ZNF281: variants seen among roughly 807,000 people sequenced by gnomAD.
The protein encoded by ZNF281 is GC-box-binding zinc finger protein 1.
In ZNF281, 2 loss-of-function variants were observed where a neutral mutation model predicts 58.8. That is an observed-to-expected ratio of 0.03 (90% CI 0.01 to 0.11). The LOEUF (loss-of-function observed/expected upper bound fraction) is 0.11, where lower values mean the gene tolerates loss of function less well. Among genes scored for constraint, ZNF281 ranks in the 10% least tolerant of loss-of-function variants. The pLI is 1.00. For missense variants in ZNF281, 975 were observed against 1,090.7 expected, an observed-to-expected ratio of 0.89 and a Z score of 1.49; for synonymous variants, 465 against 407.7, an observed-to-expected ratio of 1.14 and a Z score of -1.69.
At position 200,408,035 on chromosome 1, in the gene ZNF281, T is replaced by G; in HGVS notation, c.1671A>C (p.Val557=). ...CAGACTGTTGGGAGACCATGTGTCCTACGTTTATAGAAAAGGCACTGTTGC... is the reference window on the plus strand; with the variant it reads ...CAGACTGTTGGGAGACCATGTGTCCGACGTTTATAGAAAAGGCACTGTTGC... ...ASSNSAFSIN[V]GHMVSQQSVI... is the part of the protein sequence containing the mutation. Residue 557 remains valine (V), a synonymous_variant, in exon 2 of 2, where the codon GTA becomes GTC. Coordinates refer to ENST00000367353, the MANE Select transcript of ZNF281 (RefSeq NM_001281293.2). The G allele has an allele frequency of 6.2e-7, 1 of 1,614,242 alleles. No individual in the cohort carries two copies.
Position 200,409,388 on chromosome 1 carries a change from C to T in ZNF281, c.318G>A (p.Ala106=), listed in dbSNP as rs1484458964. Residue 106 remains alanine (A), a synonymous_variant, in exon 2 of 2, where the codon GCG becomes GCA. Coordinates refer to ENST00000367353, the MANE Select transcript of ZNF281 (RefSeq NM_001281293.2). ...TCTGCGAGGGGAAGGCCGCGGCTGA[C>T]GCCGCCGGCTCCTTCTTGAAAGTCA... is the stretch of plus-strand genomic sequence containing the variant. ...PDMTFKKEPA[A]SAAAFPSQRT... 3 of 1,521,180 alleles carry T rather than the reference C, an allele frequency of 2.0e-6. No individual in the cohort carries two copies. Among genetic ancestry groups the T allele is most frequent in the Non-Finnish European group, 2.6e-6 (3 of 1,133,754 alleles). The allele number at this position is 1,521,180 out of a possible 1,614,324, so 94.2% of individuals were successfully genotyped here.
In ZNF281 at chr1:200,409,418, C is replaced by A; in HGVS notation, c.288G>T (p.Pro96=). The A allele has an allele frequency of 6.6e-7, 1 of 1,507,768 alleles. No homozygotes were observed. Among genetic ancestry groups the A allele is most frequent in the Non-Finnish European group, 8.9e-7 (1 of 1,125,064 alleles). The allele number at this position is 1,507,768 out of a possible 1,614,324, so 93.4% of individuals were successfully genotyped here. A position where few individuals can be genotyped will look rare whatever the true frequency, so the allele number is the denominator to read the frequency against. ...PAAEPPPPPA[P]DMTFKKEPAA... ...CCGGCTCCTTCTTGAAAGTCATGTC[C>A]GGGGCTGGCGGAGGGGGGGGCTCAG... Residue 96 remains proline, a synonymous_variant, in exon 2 of 2, where the codon CCG becomes CCT. Transcript: ENST00000367353.
Position 200,407,158 on chromosome 1 carries a change from T to C in ZNF281, c.2548A>G (p.Ile850Val), listed in dbSNP as rs1654473579. Reference protein sequence around the residue: ...KSGSRVPMTFITNSNGEVDHR... With the variant: ...KSGSRVPMTFVTNSNGEVDHR... ...TCCACTTCTCCATTAGAGTTAGTGA[T>C]AAAGGTCATTGGCACCCTGCTGCCC... Residue 850 changes from isoleucine (I) to valine (V), a missense_variant, in exon 2 of 2, where the codon ATC (isoleucine) becomes GTC (valine). Ile to Val is a conservative substitution (Grantham distance 29). This residue lies in a region of ZNF281 where 579 missense variants were observed against 608.9 expected (regional missense o/e 0.95). Transcript: ENST00000367353. The C allele has an allele frequency of 1.2e-6, 2 of 1,614,078 alleles. No homozygotes were observed. Among genetic ancestry groups the C allele is most frequent in the South Asian group, 2.2e-5 (2 of 91,082 alleles).
rs1341099492 is a variant in ZNF281, at chr1:200,406,668, T to A, written c.*350A>T. ...AGTAAAGCAATTAGAATAACCTTAA[T>A]CCTAGCAACAAAGTTTTTTTTGTAG... On this transcript the variant is annotated 3_prime_UTR_variant, in exon 2 of 2. Coordinates refer to ENST00000367353, the MANE Select transcript of ZNF281 (RefSeq NM_001281293.2). 9 of 185,302 alleles carry A rather than the reference T, an allele frequency of 4.9e-5. No individual in the cohort carries two copies. The highest frequency in any genetic ancestry group is 1.0e-4 in the Non-Finnish European group (9 of 90,156). The allele number at this position is 185,302 out of a possible 1,614,324, so 11.5% of individuals were successfully genotyped here. A position where few individuals can be genotyped will look rare whatever the true frequency, so the allele number is the denominator to read the frequency against.
In ZNF281 at chr1:200,407,318, G is replaced by A; in HGVS notation, c.2388C>T (p.Asn796=). The A allele has an allele frequency of 6.2e-7, 1 of 1,614,150 alleles. No individual in the cohort carries two copies. The highest frequency in any genetic ancestry group is 8.5e-7 in the Non-Finnish European group (1 of 1,180,038). The change falls in exon 2 of 2, where the codon AAC becomes AAT. Residue 796 remains asparagine, a synonymous_variant. Transcript: ENST00000367353. ...QKLTSQKEQK[N]LESSTGFQIP... is the part of the protein sequence containing the mutation. ...TCTGAAAGCCTGTTGAAGACTCTAA[G>A]TTTTTCTGTTCCTTCTGGCTAGTCA...
chr1:200,409,445 G>T lies in ZNF281; in HGVS notation c.261C>A (p.Ala87=). ...VLSSSTSAAP[A]AEPPPPPAPD... ...GGGCTGGCGGAGGGGGGGGCTCAGCGGCCGGGGCTGCGGAGGTAGAGGAGG... is the reference window on the plus strand; with the variant it reads ...GGGCTGGCGGAGGGGGGGGCTCAGCTGCCGGGGCTGCGGAGGTAGAGGAGG... Residue 87 remains alanine, a synonymous_variant, in exon 2 of 2, where the codon GCC becomes GCA. Transcript: ENST00000367353. The T allele has an allele frequency of 6.5e-7, 1 of 1,527,684 alleles. No individual in the cohort carries two copies. Among genetic ancestry groups the T allele is most frequent in the Non-Finnish European group, 8.8e-7 (1 of 1,133,796 alleles). The allele number at this position is 1,527,684 out of a possible 1,614,324, so 94.6% of individuals were successfully genotyped here.
In ZNF281 at chr1:200,405,483, A is replaced by C. The variant is rs143393661; in HGVS notation, c.*1535T>G. 1.2e-3 allele frequency: 179 copies of C among 152,330 alleles called. No homozygotes were observed. The highest frequency in any genetic ancestry group is 4.1e-3 in the African/African-American group (170 of 41,580). The allele number at this position is 152,330 out of a possible 1,614,324, so 9.4% of individuals were successfully genotyped here. A position where few individuals can be genotyped will look rare whatever the true frequency, so the allele number is the denominator to read the frequency against. On this transcript the variant is annotated 3_prime_UTR_variant, in exon 2 of 2. Coordinates refer to ENST00000367353, the MANE Select transcript of ZNF281 (RefSeq NM_001281293.2). ...TACTTTTCTGACGTCAGAAGAGTAC[A>C]TAAGACTGAAACATCACCAAAAGTA...
rs771332819 is a variant in ZNF281, at chr1:200,409,164, T to C, written c.542A>G (p.His181Arg). 7 of 1,614,148 alleles carry C rather than the reference T, an allele frequency of 4.3e-6. No individual in the cohort carries two copies. Among genetic ancestry groups the C allele is most frequent in the Non-Finnish European group, 5.1e-6 (6 of 1,180,022 alleles). Reference sequence around the variant, plus strand: ...GGCTGGTTGCTGCTGGACATGCTGGTGGAGAATACTGAGGTCCTGGATGAC... The same window carrying C: ...GGCTGGTTGCTGCTGGACATGCTGGCGGAGAATACTGAGGTCCTGGATGAC... ...HGVIQDLSIL[H>R]QHVQQQPAQH... Residue 181 changes from histidine to arginine, a missense_variant, in exon 2 of 2, where the codon CAC (histidine) becomes CGC (arginine). His to Arg is a conservative substitution (Grantham distance 29). Around this residue, in one of 3 missense-constraint regions of ZNF281, gnomAD observed 370 missense variants for 360.9 expected, o/e 1.03. Transcript: ENST00000367353.
Position 200,408,868 on chromosome 1 carries a change from C to T in ZNF281, c.838G>A (p.Val280Ile), listed in dbSNP as rs1221731863. 1 of 1,614,224 alleles carries T rather than the reference C, an allele frequency of 6.2e-7. No individual in the cohort carries two copies. The highest frequency in any genetic ancestry group is 8.5e-7 in the Non-Finnish European group (1 of 1,180,034). The change falls in exon 2 of 2, where the codon GTC (valine) becomes ATC (isoleucine). Residue 280 changes from valine (V) to isoleucine (I), a missense_variant. Val to Ile is a conservative substitution (Grantham distance 29). Coordinates refer to ENST00000367353, the MANE Select transcript of ZNF281 (RefSeq NM_001281293.2). ...GGTCTTTCTCCTGTATGAATGAGGA[C>T]ATGTCTCCGCAGGTGATAGGAGCTT... The part of the protein sequence containing the change: ...FRSSYHLRRH[V>I]LIHTGERPFQ...
Position 200,409,673 on chromosome 1 carries a change from G to T in ZNF281, c.33C>A (p.Gly11=). ...TACCACCGCTACTGCCGGTACCTCC[G>T]CCGCCACTCAGGAACCCACTGCCGA... MKIGSGFLSG[G]GGTGSSGGSG... Residue 11 remains glycine (G), a synonymous_variant, in exon 2 of 2, where the codon GGC becomes GGA. Transcript: ENST00000367353. 2 of 1,568,148 alleles carry T rather than the reference G, an allele frequency of 1.3e-6. No individual in the cohort carries two copies. Among genetic ancestry groups the T allele is most frequent in the East Asian group, 2.4e-5 (1 of 41,600 alleles).
rs1361408198 is a variant in ZNF281, at chr1:200,406,938, T to C, written c.*80A>G. The C allele has an allele frequency of 2.9e-6, 4 of 1,397,172 alleles. No individual in the cohort carries two copies. Among genetic ancestry groups the C allele is most frequent in the Non-Finnish European group, 2.9e-6 (3 of 1,037,014 alleles). The allele number at this position is 1,397,172 out of a possible 1,614,324, so 86.5% of individuals were successfully genotyped here. On this transcript the variant is annotated 3_prime_UTR_variant, in exon 2 of 2. Transcript: ENST00000367353. ...TCACATTATTCTTAATAGGATCGTG[T>C]AGAAACATTCCAATGGCAGTGTTCT... is the stretch of plus-strand genomic sequence containing the variant.
rs1451028047 is a variant in ZNF281 at position 200,408,683 on chromosome 1, T to C, written c.1023A>G (p.Gly341=). The change falls in exon 2 of 2, where the codon GGA becomes GGG. Residue 341 remains glycine, a synonymous_variant. Transcript: ENST00000367353. ...HMERHKRTHS[G]EKPYKCDTCQ... is the part of the protein sequence containing the mutation. ...AAGTGTCACACTTATATGGCTTTTC[T>C]CCACTATGTGTCCTCTTGTGTCTCT... is the stretch of plus-strand genomic sequence containing the variant. 6.2e-7 allele frequency: 1 copy of C among 1,614,100 alleles called. No homozygotes were observed. Among genetic ancestry groups the C allele is most frequent in the Non-Finnish European group, 8.5e-7 (1 of 1,180,058 alleles).
Position 200,407,837 on chromosome 1 carries a change from C to T in ZNF281, c.1869G>A (p.Glu623=). Residue 623 remains glutamate (E), a synonymous_variant, in exon 2 of 2, where the codon GAG becomes GAA. Coordinates refer to ENST00000367353, the MANE Select transcript of ZNF281 (RefSeq NM_001281293.2). ...GTGGTTCTGCAATATTGAAAGGATCCTCTTTCTGGCTTTCTGATTTGTTGG... is the reference window on the plus strand; with the variant it reads ...GTGGTTCTGCAATATTGAAAGGATCTTCTTTCTGGCTTTCTGATTTGTTGG... The part of the protein sequence containing the change: ...QYSNKSESQK[E]DPFNIAEPRV... The T allele has an allele frequency of 6.2e-7, 1 of 1,614,118 alleles. No homozygotes were observed. Among genetic ancestry groups the T allele is most frequent in the Non-Finnish European group, 8.5e-7 (1 of 1,180,036 alleles).
At chr1:200,409,747 G>C in intron 1 of ZNF281, 24 bp from the exon 2 acceptor site, 2 of 1,580,194 alleles carry the variant, frequency 1.3e-6, no homozygotes, top group Non-Finnish European at 1.7e-6. Flanking sequence ...GAGGAAGAGG[G>C]AAGAGGGAGG....
Position 200,406,771 on chromosome 1 carries a change from G to T in ZNF281, c.*247C>A. On this transcript the variant is annotated 3_prime_UTR_variant, in exon 2 of 2. Coordinates refer to ENST00000367353, the MANE Select transcript of ZNF281 (RefSeq NM_001281293.2). Reference sequence around the variant, plus strand: ...GGCTATTCCCTGACGATCTATACATGTAAATTTGATTGCTAAACATTGTCA... The same window carrying T: ...GGCTATTCCCTGACGATCTATACATTTAAATTTGATTGCTAAACATTGTCA... 1.5e-5 allele frequency: 5 copies of T among 322,952 alleles called. No homozygotes were observed. Among genetic ancestry groups the T allele is most frequent in the African/African-American group, 2.3e-5 (1 of 44,372 alleles). The allele number at this position is 322,952 out of a possible 1,614,324, so 20.0% of individuals were successfully genotyped here. A position where few individuals can be genotyped will look rare whatever the true frequency, so the allele number is the denominator to read the frequency against.
At position 200,408,491 on chromosome 1, in the gene ZNF281, T is replaced by C. The variant is rs1314531061; in HGVS notation, c.1215A>G (p.Lys405=). 12 of 1,614,212 alleles carry C rather than the reference T, an allele frequency of 7.4e-6. No individual in the cohort carries two copies. Among genetic ancestry groups the C allele is most frequent in the South Asian group, 4.4e-5 (4 of 91,084 alleles). Residue 405 remains lysine, a synonymous_variant, in exon 2 of 2, where the codon AAA becomes AAG. Transcript: ENST00000367353. ...CAATAGCTATGCTTTTTGACTTTGT[T>C]TTTCTCCTTGAAGAACTTGTATTTC... ...SQGNTSSSRR[K]TKSKSIAIEN...
chr1:200,406,080 CG>C lies in ZNF281; in HGVS notation c.*937del, dbSNP rs1654442469. 6.6e-6 allele frequency: 1 copy of C among 152,104 alleles called. No homozygotes were observed. The highest frequency in any genetic ancestry group is 2.4e-5 in the African/African-American group (1 of 41,416). 9.4% of individuals were successfully genotyped at this position (152,104 alleles called of 1,614,324 possible). On this transcript the variant is annotated 3_prime_UTR_variant, in exon 2 of 2. Coordinates refer to ENST00000367353, the MANE Select transcript of ZNF281 (RefSeq NM_001281293.2). ...AAAAAACCCAGAAGTGTAGGTAATA[CG>C]TAACAGCGCAGACAGAACCGTTGTA...
At position 200,408,366 on chromosome 1, in the gene ZNF281, C is replaced by T. The variant is rs200121791; in HGVS notation, c.1340G>A (p.Ser447Asn). The change falls in exon 2 of 2, where the codon AGT becomes AAT. Residue 447 changes from serine to asparagine, a missense_variant. This residue lies in a region of ZNF281 where 579 missense variants were observed against 608.9 expected (regional missense o/e 0.95). Coordinates refer to ENST00000367353, the MANE Select transcript of ZNF281 (RefSeq NM_001281293.2). ...TATTCCAGTGCCAATTATGCCTCCACTGGAAGACACGGTAGGCATTTCTAC... is the reference window on the plus strand; with the variant it reads ...TATTCCAGTGCCAATTATGCCTCCATTGGAAGACACGGTAGGCATTTCTAC... ...YSVEMPTVSS[S>N]GGIIGTGIDE... 2.5e-6 allele frequency: 4 copies of T among 1,614,108 alleles called. No individual in the cohort carries two copies.
rs757348853 is a variant in ZNF281 at position 200,408,322 on chromosome 1, C to A, written c.1384G>T (p.Val462Leu). ...CCTTTCTTAAAGATCAATTTTGGCACCCTCTTCTGCAGTTCATCTATTCCA... is the reference window on the plus strand; with the variant it reads ...CCTTTCTTAAAGATCAATTTTGGCAACCTCTTCTGCAGTTCATCTATTCCA... ...GTGIDELQKR[V>L]PKLIFKKGSR... Residue 462 changes from valine to leucine, a missense_variant, in exon 2 of 2, where the codon GTG becomes TTG. By Grantham distance (32) the Val-to-Leu change is conservative. Transcript: ENST00000367353. 3 of 1,613,046 alleles carry A rather than the reference C, an allele frequency of 1.9e-6. No homozygotes were observed. The highest frequency in any genetic ancestry group is 2.2e-5 in the South Asian group (2 of 91,088).
Sources: gnomAD v4.1 joint callset for allele counts on GRCh38, gnomAD v4.1.1 for gene constraint, gnomAD v4.1.1 regional missense constraint, MANE v1.5 for transcripts, NCBI Gene and HGNC (gene_info 2026-07-23, HGNC 2026-07-21) for gene names.